CALN1: variants seen among roughly 807,000 people sequenced by gnomAD.
The protein encoded by CALN1 is calcium-binding protein 8.
Under a neutral mutation model 30.6 loss-of-function variants are expected in CALN1, and 17 were observed. The ratio of observed to expected loss-of-function variants is 0.56; its 90% CI spans 0.38 to 0.83. CALN1 has a LOEUF of 0.83. CALN1 is among the 40% of genes least tolerant of loss of function. The pLI is 0.00. For synonymous variants in CALN1, 156 were observed against 131.4 expected, an observed-to-expected ratio of 1.19 and a Z score of -1.28; for missense variants, 291 against 354.9, an observed-to-expected ratio of 0.82 and a Z score of 1.45.
intron 2 of CALN1, among the ~76,000 whole-genome samples, chr7:72,352,296 G>A (rs1456074399): frequency 2.0e-5 from 3 of 149,368 alleles, no homozygotes; most frequent in Non-Finnish European, 2.9e-5. Context: ...GGCTGAGGCA[G>A]GAGAATCGCT....
intron 2 of CALN1, among the ~76,000 whole-genome samples, chr7:72,345,460 AAAAG>A (rs1802595626): frequency 1.3e-5 from 2 of 150,554 alleles, no homozygotes; most frequent in Non-Finnish European, 1.5e-5. Context: ...ACAAAAAGAC[AAAAG>A]AAAGAGAGGG....
chr7:72,127,036 TA>T (rs899333888), intron 3 of CALN1, among the ~76,000 whole-genome samples: 3 of 151,780 alleles, frequency 2.0e-5, no homozygotes, highest in African/African-American at 7.3e-5. Flanking sequence ...CCTCCAAGGG[TA>T]AAAACCCAAA....
intron 3 of CALN1, among the ~76,000 whole-genome samples, chr7:72,244,178 T>C (rs17581606): frequency 0.35 from 53,215 of 152,162 alleles, 10,414 homozygotes; most frequent in Middle Eastern, 0.55. Context: ...AAGAAATCTC[T>C]GATTTTAGGC....
Position 72,371,006 on chromosome 7 carries a change from C to CCA in CALN1, c.119+32243_119+32244dup, listed in dbSNP as rs543710628. On this transcript the variant is annotated intron_variant, in intron 2 of 6. Coordinates refer to ENST00000395275, the MANE Select transcript of CALN1 (RefSeq NM_031468.4). Reference sequence around the variant, plus strand: ...GAGGTTGCAGTAAGCCAAGATCACCCCACAGAACTCCAACTTTGGTGACAG... The same window carrying CCA: ...GAGGTTGCAGTAAGCCAAGATCACCCCACACAGAACTCCAACTTTGGTGACAG... Among the ~76,000 whole-genome samples, 442 of 148,018 alleles carry CCA rather than the reference C, an allele frequency of 3.0e-3. 2 individuals carry two copies. Among genetic ancestry groups the CCA allele is most frequent in the African/African-American group, 0.011 (425 of 39,620 alleles).
intron 4 of CALN1, among the ~76,000 whole-genome samples, chr7:72,074,683 C>T (rs1169157285): frequency 6.6e-6 from 1 of 152,218 alleles, no homozygotes; most frequent in Non-Finnish European, 1.5e-5. Flanking sequence ...GTTGGGATTA[C>T]AGGCTTAAGC....
intron 3 of CALN1, among the ~76,000 whole-genome samples, chr7:72,234,502 C>T (rs892869697): frequency 1.1e-4 from 17 of 151,936 alleles, no homozygotes; most frequent in Non-Finnish European, 2.2e-4. Flanking sequence ...GCTGGAATGC[C>T]ATGGCGCGAT....
intron 2 of CALN1, among the ~76,000 whole-genome samples, chr7:72,317,062 G>A (rs140329687): frequency 1.0e-5 from 1 of 98,488 alleles, no homozygotes. Context: ...AAGAGAGAGA[G>A]AGAAAGAGAG....
chr7:72,112,413 A>G (rs995876423), intron 3 of CALN1, among the ~76,000 whole-genome samples: 5 of 152,358 alleles, frequency 3.3e-5, no homozygotes, highest in South Asian at 2.1e-4. Context: ...TCTTCATTGC[A>G]TAAAGTGATG....
intron 5 of CALN1, among the ~76,000 whole-genome samples, chr7:71,930,723 G>A (rs1324806388): frequency 6.6e-6 from 1 of 152,162 alleles, no homozygotes; most frequent in Non-Finnish European, 1.5e-5. Flanking sequence ...GTGTAATGAA[G>A]CAGTCCAACT....
intron 5 of CALN1, among the ~76,000 whole-genome samples, chr7:71,839,292 G>A (rs568691608): frequency 5.9e-4 from 90 of 152,256 alleles, no homozygotes; most frequent in African/African-American, 2.2e-3. Flanking sequence ...CAGCACTTTG[G>A]GAGTTGAGGC....
intron 5 of CALN1, among the ~76,000 whole-genome samples, chr7:71,969,419 G>C (rs557908584): frequency 7.2e-5 from 11 of 152,106 alleles, no homozygotes; most frequent in Admixed American, 7.2e-4. Context: ...ACTTGTCAGA[G>C]ACTAAGTATT....
intron 4 of CALN1, among the ~76,000 whole-genome samples, chr7:72,077,927 A>G (rs1804860476): frequency 6.6e-6 from 1 of 152,202 alleles, no homozygotes; most frequent in Admixed American, 6.5e-5. Context: ...CTGCCCCCTG[A>G]AATTCTCCTC....
At chr7:72,205,575 T>TATATATACATATATATATAC (rs1791809846) in intron 3 of CALN1, among the ~76,000 whole-genome samples, 1 of 119,634 alleles carries the variant, frequency 8.4e-6, no homozygotes, top group African/African-American at 4.2e-5. Flanking sequence ...TATGTATATA[T>TATATATACATATATATATAC]ATATATATAT....
At chr7:72,401,148 T>C (rs761489789) in intron 2 of CALN1, among the ~76,000 whole-genome samples, 5 of 152,162 alleles carry the variant, frequency 3.3e-5, no homozygotes, top group Non-Finnish European at 7.3e-5. Flanking sequence ...TCTCTTCTAC[T>C]CCTTTCTCTC....
chr7:72,020,754 C>T (rs1262904744), intron 5 of CALN1, among the ~76,000 whole-genome samples: 2 of 152,198 alleles, frequency 1.3e-5, no homozygotes, highest in Admixed American at 1.3e-4. Flanking sequence ...TATAGCATGT[C>T]TGAATTAAGC....
At chr7:71,862,296 C>G (rs1341195809) in intron 5 of CALN1, among the ~76,000 whole-genome samples, 1 of 152,176 alleles carries the variant, frequency 6.6e-6, no homozygotes, top group Non-Finnish European at 1.5e-5. Context: ...TGTGTCCCTA[C>G]CCAAATCTCA....
At chr7:72,089,771 A>C (rs546330483) in intron 4 of CALN1, among the ~76,000 whole-genome samples, 35 of 152,312 alleles carry the variant, frequency 2.3e-4, no homozygotes, top group African/African-American at 8.2e-4. Flanking sequence ...TGAAAATTAA[A>C]ATACAAACTG....
chr7:72,368,833 G>C (rs1420056261), intron 2 of CALN1, among the ~76,000 whole-genome samples: 1 of 37,018 alleles, frequency 2.7e-5, no homozygotes, highest in African/African-American at 1.1e-4. Flanking sequence ...TTTTTTTTTT[G>C]AGACAGAATC....
chr7:72,155,546 C>G (rs538155620), intron 3 of CALN1, among the ~76,000 whole-genome samples: 1 of 151,846 alleles, frequency 6.6e-6, no homozygotes, highest in Non-Finnish European at 1.5e-5. Flanking sequence ...GTTGTTTAAG[C>G]CACCCATTCT....
Sources: gnomAD v4.1 joint callset for allele counts (sites outside exome capture counted in the v4.1 genomes callset) on GRCh38, gnomAD v4.1.1 for gene constraint, MANE v1.5 for transcripts, NCBI Gene and HGNC (gene_info 2026-07-23, HGNC 2026-07-21) for gene names.